Variants in MYBPC3 observed in about 807,000 individuals in gnomAD.
MYBPC3 encodes myosin-binding protein C, cardiac-type.
A neutral mutation model predicts 159.3 loss-of-function variants in MYBPC3; 108 were observed. The observed-to-expected ratio is 0.68, with a 90% CI of 0.58 to 0.80. The LOEUF is 0.80. MYBPC3 is among the 30% of genes least tolerant of loss of function. MYBPC3 has a pLI of 0.00. For synonymous variants in MYBPC3, 730 were observed against 702.0 expected (o/e 1.04, Z -0.63); for missense variants, 1,631 against 1,762.1 (o/e 0.93, Z 1.33).
Position 47,331,691 on chromosome 11 carries a change from G to T in MYBPC3, c.*52C>A. The T allele has an allele frequency of 1.3e-6, 1 of 781,830 alleles. No homozygotes were observed. Among genetic ancestry groups the T allele is most frequent in the South Asian group, 1.9e-5 (1 of 52,500 alleles). The allele number at this position is 781,830 out of a possible 1,614,324, so 48.4% of individuals were successfully genotyped here. A position where few individuals can be genotyped will look rare whatever the true frequency, so the allele number is the denominator to read the frequency against. On this transcript the variant is annotated 3_prime_UTR_variant, in exon 35 of 35. Coordinates refer to ENST00000545968, the MANE Select transcript of MYBPC3 (RefSeq NM_000256.3). ...TTCCCCAACTTCCCTCCAGGCTCCT[G>T]GCACGGGGCTGGCATCCGGTTGTAC... is the stretch of plus-strand genomic sequence containing the variant.
intron 18 of MYBPC3, 82 bp downstream of exon 18, chr11:47,341,909 C>A: frequency 6.6e-7 from 1 of 1,511,436 alleles, no homozygotes; most frequent in Non-Finnish European, 8.9e-7. Flanking sequence ...GTCTTTATCT[C>A]TCTCTCTCTG....
At position 47,332,035 on chromosome 11, in the gene MYBPC3, T is replaced by A; in HGVS notation, c.3814+37A>T. 6.2e-7 allele frequency: 1 copy of A among 1,603,446 alleles called. No homozygotes were observed. The highest frequency in any genetic ancestry group is 8.5e-7 in the Non-Finnish European group (1 of 1,173,682). ...CAGGGTCCCCACTGCCGCCCGCTCT[T>A]CCCATCTCCCAGGCCCTGGCCCCGA... On this transcript the variant is annotated intron_variant, in intron 33 of 34. Coordinates refer to ENST00000545968, the MANE Select transcript of MYBPC3 (RefSeq NM_000256.3). The surrounding 1 kb of genome is among the most constrained non-coding windows in gnomAD (Gnocchi z 4.2).
At chr11:47,344,070 T>C (rs1196406327) in intron 12 of MYBPC3, among the ~76,000 whole-genome samples, 1 of 152,202 alleles carries the variant, frequency 6.6e-6, no homozygotes, top group Non-Finnish European at 1.5e-5. Context: ...ATTACAGGCA[T>C]GGTGTCTTCA....
Position 47,341,113 on chromosome 11 carries a change from C to T in MYBPC3, c.1897+25G>A, listed in dbSNP as rs374625369. 52 of 1,572,398 alleles carry T rather than the reference C, an allele frequency of 3.3e-5. No homozygotes were observed. The African/African-American group carries it at 6.4e-4, about 19-fold the overall frequency. On this transcript the variant is annotated intron_variant, in intron 19 of 34. Transcript: ENST00000545968. ...GGGCTCCTGGCCCCACTGCCCCGAC[C>T]CACCCTACCCTGGAGCAGGCTCACC...
Position 47,346,460 on chromosome 11 carries a change from A to T in MYBPC3, c.927-90T>A. On this transcript the variant is annotated intron_variant, in intron 11 of 34. Coordinates refer to ENST00000545968, the MANE Select transcript of MYBPC3 (RefSeq NM_000256.3). This position sits in a 1 kb window ranked among gnomAD's most constrained non-coding sequence, Gnocchi z 5.3. ...GGCCCAGGACCAAGGAGCTGTAGCCACCCCTGTCCCTCTGCCCCTTCCCTT... is the reference window on the plus strand; with the variant it reads ...GGCCCAGGACCAAGGAGCTGTAGCCTCCCCTGTCCCTCTGCCCCTTCCCTT... The T allele has an allele frequency of 6.8e-7, 1 of 1,462,572 alleles. No individual in the cohort carries two copies. The highest frequency in any genetic ancestry group is 2.5e-5 in the East Asian group (1 of 40,538). The allele number at this position is 1,462,572 out of a possible 1,614,324, so 90.6% of individuals were successfully genotyped here.
chr11:47,347,382 C>T, intron 9 of MYBPC3, 44 bp downstream of exon 9: 1 of 1,558,860 alleles, frequency 6.4e-7, no homozygotes, highest in Non-Finnish European at 8.7e-7. Context: ...GGATTTGGAG[C>T]CAGGCCTCAC....
rs891329601 is a variant in MYBPC3 at position 47,331,588 on chromosome 11, C to T, written c.*155G>A. 2.5e-5 allele frequency: 12 copies of T among 486,530 alleles called. No individual in the cohort carries two copies. The highest frequency in any genetic ancestry group is 9.7e-5 in the African/African-American group (5 of 51,498). The allele number at this position is 486,530 out of a possible 1,614,324, so 30.1% of individuals were successfully genotyped here. A position where few individuals can be genotyped will look rare whatever the true frequency, so the allele number is the denominator to read the frequency against. On this transcript the variant is annotated 3_prime_UTR_variant, in exon 35 of 35. Coordinates refer to ENST00000545968, the MANE Select transcript of MYBPC3 (RefSeq NM_000256.3). ...TGTGCAACACCCACTCAGGACTGCC[C>T]GACAACTGCCCTGCTGATCCCCCAT...
intron 20 of MYBPC3, 79 bp from the exon 21 acceptor site, chr11:47,339,869 G>A (rs2095886636): frequency 2.0e-6 from 3 of 1,481,168 alleles, no homozygotes; most frequent in South Asian, 2.5e-5. Flanking sequence ...CTGCTCAAGA[G>A]CCTGGGCCCC....
At chr11:47,343,450 C>T in intron 13 of MYBPC3, 42 bp downstream of exon 13, 1 of 1,546,586 alleles carries the variant, frequency 6.5e-7, no homozygotes, top group Non-Finnish European at 8.7e-7. Flanking sequence ...CTATGGGGGT[C>T]CCCACCTCCA....
Position 47,346,497 on chromosome 11 carries a change from G to A in MYBPC3, c.927-127C>T. On this transcript the variant is annotated intron_variant, in intron 11 of 34. Coordinates refer to ENST00000545968, the MANE Select transcript of MYBPC3 (RefSeq NM_000256.3). This position sits in a 1 kb window ranked among gnomAD's most constrained non-coding sequence, Gnocchi z 5.3. ...CTGCCCCTTCCCTTCTGGTGGGGCA[G>A]CTGGAGCTGCTCTGGGTCCCAGGCC... The A allele has an allele frequency of 1.4e-6, 2 of 1,454,878 alleles. No individual in the cohort carries two copies. The highest frequency in any genetic ancestry group is 1.4e-5 in the African/African-American group (1 of 70,808). 90.1% of individuals were successfully genotyped at this position (1,454,878 alleles called of 1,614,324 possible).
Position 47,343,126 on chromosome 11 carries a change from CG to C in MYBPC3, c.1245del (p.Ile415MetfsTer7). 1 of 1,611,562 alleles carries C rather than the reference CG, an allele frequency of 6.2e-7. No individual in the cohort carries two copies. Reference sequence around the variant, plus strand: ...CTGATGGTCAGGGTACGCTTGGCACCGATGGACTCAAAGATGTACCTGGGTG... The same window carrying C: ...CTGATGGTCAGGGTACGCTTGGCACCATGGACTCAAAGATGTACCTGGGTG... Reference protein sequence around the residue: ...MSGSKYIFESIGAKRTLTISQ... With the variant: ...MSGSKYIFESXGAKRTLTISQ... On this transcript the variant is annotated frameshift_variant, in exon 15 of 35. Transcript: ENST00000545968. LOFTEE classifies it high-confidence loss of function.
rs35690719 is a variant in MYBPC3 at position 47,342,735 on chromosome 11, G to A, written c.1467C>T (p.Asp489=). ...EEGAQVKWLK[D]GVELTREETF... ...TCTCCTCCCGGGTCAGCTCCACCCCGTCCTTCAGCCTAGCCGGGTGGGTGG... is the reference window on the plus strand; with the variant it reads ...TCTCCTCCCGGGTCAGCTCCACCCCATCCTTCAGCCTAGCCGGGTGGGTGG... Residue 489 remains aspartate, a synonymous_variant, in exon 17 of 35, where the codon GAC becomes GAT. Coordinates refer to ENST00000545968, the MANE Select transcript of MYBPC3 (RefSeq NM_000256.3). 1.5e-4 allele frequency: 247 copies of A among 1,613,928 alleles called. 1 individual carries two copies. The East Asian group carries it at 2.1e-3, about 14-fold the overall frequency.
At chr11:47,347,514 G>A (rs1190996577) in intron 8 of MYBPC3, 35 bp from the exon 9 acceptor site, 1 of 1,585,420 alleles carries the variant, frequency 6.3e-7, no homozygotes, top group Non-Finnish European at 8.6e-7. Context: ...GCTGCAGTGA[G>A]GGACTGGAAA....
At position 47,350,086 on chromosome 11, in the gene MYBPC3, G is replaced by C. The variant is rs1384966923; in HGVS notation, c.433C>G (p.Pro145Ala). ...KGSSSAALNG[P>A]TPGAPDDPIG... Reference sequence around the variant, plus strand: ...GGGTCATCGGGGGCTCCAGGGGTAGGACCATTGAGAGCTGCTGAGCTTGAC... The same window carrying C: ...GGGTCATCGGGGGCTCCAGGGGTAGCACCATTGAGAGCTGCTGAGCTTGAC... The change falls in exon 4 of 35, where the codon CCT becomes GCT. Residue 145 changes from proline to alanine, a missense_variant. Coordinates refer to ENST00000545968, the MANE Select transcript of MYBPC3 (RefSeq NM_000256.3). 6.4e-7 allele frequency: 1 copy of C among 1,558,858 alleles called. No individual in the cohort carries two copies. The highest frequency in any genetic ancestry group is 8.7e-7 in the Non-Finnish European group (1 of 1,151,176).
intron 12 of MYBPC3, among the ~76,000 whole-genome samples, chr11:47,345,890 G>T (rs990228456): frequency 6.6e-6 from 1 of 152,110 alleles, no homozygotes; most frequent in African/African-American, 2.4e-5. Context: ...GGTGAGGAGG[G>T]TTAACCTGAG....
chr11:47,350,528 A>C lies in MYBPC3; in HGVS notation c.380T>G (p.Leu127Arg), dbSNP rs2142868691. ...PGEAPAPAAE[L>R]GESAPSPKGS... is the part of the protein sequence containing the mutation. ...TTTGGGACTTGGGGCACTTTCTCCC[A>C]GCTCAGCGGCTGGGGCCGGGGCTTC... The change falls in exon 3 of 35, where the codon CTG (leucine) becomes CGG (arginine). Residue 127 changes from leucine (L) to arginine (R), a missense_variant. Transcript: ENST00000545968. 4.5e-6 allele frequency: 7 copies of C among 1,557,708 alleles called. 1 individual carries two copies. The South Asian group carries it at 6.0e-5, about 13-fold the overall frequency.
chr11:47,346,750 AT>A lies in MYBPC3; in HGVS notation c.909-107del. 1 of 1,254,394 alleles carries A rather than the reference AT, an allele frequency of 8.0e-7. No individual in the cohort carries two copies. The highest frequency in any genetic ancestry group is 1.1e-6 in the Non-Finnish European group (1 of 910,256). The allele number at this position is 1,254,394 out of a possible 1,614,324, so 77.7% of individuals were successfully genotyped here. ...ACCCATGGGCCTTTACTTCCTCCCT[AT>A]TTTCCGCACTTGCACTCCCTGTGTT... On this transcript the variant is annotated intron_variant, in intron 10 of 34. Transcript: ENST00000545968. This position sits in a 1 kb window ranked among gnomAD's most constrained non-coding sequence, Gnocchi z 5.3.
Position 47,343,152 on chromosome 11 carries a change from G to A in MYBPC3, c.1227-7C>T, listed in dbSNP as rs1280236006. On this transcript the variant is annotated splice_region_variant and splice_polypyrimidine_tract_variant and intron_variant, in intron 14 of 34. Coordinates refer to ENST00000545968, the MANE Select transcript of MYBPC3 (RefSeq NM_000256.3). ...GATGGACTCAAAGATGTACCTGGGT[G>A]GGGGCCGCAGGGAAGTGGCAGGAAA... 1.2e-6 allele frequency: 2 copies of A among 1,608,654 alleles called. No homozygotes were observed. Among genetic ancestry groups the A allele is most frequent in the African/African-American group, 1.3e-5 (1 of 74,852 alleles).
chr11:47,347,523 A>G, intron 8 of MYBPC3, 44 bp from the exon 9 acceptor site: 1 of 1,579,800 alleles, frequency 6.3e-7, no homozygotes, highest in Non-Finnish European at 8.6e-7. Context: ...AGGGACTGGA[A>G]AGGGATTAGG....
Sources: allele counts gnomAD v4.1 joint callset (sites outside exome capture counted in the v4.1 genomes callset), GRCh38; gene constraint gnomAD v4.1.1; non-coding constraint Gnocchi (gnomAD v3.1); transcripts MANE v1.5; gene names NCBI Gene and HGNC (gene_info 2026-07-23, HGNC 2026-07-21).